The following RGS6 variants were observed in gnomAD, a reference collection of about 807,000 sequenced individuals.
RGS6 encodes regulator of G protein signaling 6.
In RGS6, 30 loss-of-function variants were observed where a neutral mutation model predicts 78.5. The ratio of observed to expected loss-of-function variants is 0.38; its 90% CI spans 0.29 to 0.52. The LOEUF (loss-of-function observed/expected upper bound fraction) is 0.52. Ranked by LOEUF, RGS6 falls within the 20% of genes least tolerant of loss-of-function variation. RGS6 has a pLI of 0.85. For synonymous variants in RGS6, 206 were observed against 206.0 expected, an observed-to-expected ratio of 1.00 and a Z score of 0.00; for missense variants, 495 against 609.7, an observed-to-expected ratio of 0.81 and a Z score of 1.98.
At chr14:71,888,544 G>A in the RGS6 span, among the ~76,000 whole-genome samples, 2 of 152,116 alleles carry the variant, frequency 1.3e-5, no homozygotes, top group Non-Finnish European at 2.9e-5. Flanking sequence ...CTTTCAGGTT[G>A]TGTCAGCTGG....
chr14:72,524,257 T>G (rs1164118616), intron 15 of RGS6, among the ~76,000 whole-genome samples: 2 of 152,192 alleles, frequency 1.3e-5, no homozygotes, highest in Admixed American at 1.3e-4. Context: ...CCTAAGGAAT[T>G]TGAGCTTCTC....
At chr14:72,382,916 C>T (rs544591500) in intron 3 of RGS6, among the ~76,000 whole-genome samples, 1 of 152,000 alleles carries the variant, frequency 6.6e-6, no homozygotes, top group Non-Finnish European at 1.5e-5. Flanking sequence ...GGTAAAAATA[C>T]ATACTTGAAA....
chr14:72,491,345 GA>G (rs5809576), intron 12 of RGS6, among the ~76,000 whole-genome samples: 91,888 of 151,384 alleles, frequency 0.61, 28,233 homozygotes, highest in East Asian at 0.86. Context: ...TATTAAAAAA[GA>G]AAAAAATCTG....
In RGS6 at chr14:72,485,700, G is replaced by A. The variant is rs79037222; in HGVS notation, c.854+7371G>A. Among the ~76,000 whole-genome samples, 567 of 152,286 alleles carry A rather than the reference G, an allele frequency of 3.7e-3. 3 individuals carry two copies. The highest frequency in any genetic ancestry group is 0.012 in the African/African-American group (509 of 41,558). ...ACCTGGTTCTGCAAAATAGAAGCAT[G>A]CCTTGGCTCCCAGAATACAAGAAGG... On this transcript the variant is annotated intron_variant, in intron 12 of 17. Transcript: ENST00000553525.
chr14:71,883,732 T>C, the RGS6 span, among the ~76,000 whole-genome samples: 1 of 152,190 alleles, frequency 6.6e-6, no homozygotes, highest in African/African-American at 2.4e-5. Flanking sequence ...TGACCTCTAG[T>C]CGTCCTCACT....
intron 3 of RGS6, among the ~76,000 whole-genome samples, chr14:72,411,085 G>C (rs2093375167): frequency 6.6e-6 from 1 of 152,076 alleles, no homozygotes; most frequent in Non-Finnish European, 1.5e-5. Flanking sequence ...CTTTAAAGTA[G>C]TTTTTTTCCA....
At chr14:72,322,897 C>T (rs2152523411) in intron 2 of RGS6, among the ~76,000 whole-genome samples, 1 of 152,126 alleles carries the variant, frequency 6.6e-6, no homozygotes, top group South Asian at 2.1e-4. Context: ...GAGACATACA[C>T]ACATACATAT....
chr14:71,991,981 C>T (rs2094972324), intron 2 of RGS6, among the ~76,000 whole-genome samples: 1 of 151,380 alleles, frequency 6.6e-6, no homozygotes, highest in African/African-American at 2.4e-5. Context: ...AGATTTGGCC[C>T]ATGGGTGGGG....
chr14:71,980,910 A>G (rs902351198), intron 2 of RGS6, among the ~76,000 whole-genome samples: 1 of 94,006 alleles, frequency 1.1e-5, no homozygotes, highest in Admixed American at 1.2e-4. Context: ...AATCAGACGT[A>G]GATTTGGTCT....
chr14:72,313,561 C>T (rs2069199847), intron 2 of RGS6, among the ~76,000 whole-genome samples: 1 of 152,200 alleles, frequency 6.6e-6, no homozygotes, highest in Non-Finnish European at 1.5e-5. Context: ...GTTCCTTCTG[C>T]TGGTTAAATT....
At chr14:72,166,124 AC>A (rs1178062929) in intron 2 of RGS6, among the ~76,000 whole-genome samples, 106 of 151,742 alleles carry the variant, frequency 7.0e-4, no homozygotes, top group South Asian at 1.3e-3. Flanking sequence ...ACACACACAC[AC>A]ACACACACAC....
chr14:71,879,262 G>T, the RGS6 span, among the ~76,000 whole-genome samples: 1 of 152,160 alleles, frequency 6.6e-6, no homozygotes, highest in Admixed American at 6.5e-5. Context: ...GAAATTTGCT[G>T]TATTTAGAAA....
At chr14:72,023,600 G>A (rs1222311605) in intron 2 of RGS6, among the ~76,000 whole-genome samples, 2 of 152,232 alleles carry the variant, frequency 1.3e-5, no homozygotes, top group African/African-American at 2.4e-5. Flanking sequence ...CAGAAAGAAG[G>A]CGGGGGAAGG....
chr14:72,503,121 G>C (rs1235876272), intron 13 of RGS6, among the ~76,000 whole-genome samples: 1 of 152,078 alleles, frequency 6.6e-6, no homozygotes, highest in Admixed American at 6.5e-5. Context: ...ATAAATGTCT[G>C]GGTCCTCACA....
intron 2 of RGS6, among the ~76,000 whole-genome samples, chr14:72,089,605 A>G (rs1475200827): frequency 1.3e-5 from 2 of 152,132 alleles, no homozygotes; most frequent in African/African-American, 4.8e-5. Flanking sequence ...CCTGGTCCTC[A>G]TTTCCTGGTC....
chr14:72,396,216 A>G (rs200871655), intron 3 of RGS6, among the ~76,000 whole-genome samples: 2 of 152,098 alleles, frequency 1.3e-5, no homozygotes, highest in East Asian at 3.9e-4. Flanking sequence ...CTTTTTAATG[A>G]TTTTCATTCT....
chr14:72,226,696 T>G (rs936589235), intron 2 of RGS6, among the ~76,000 whole-genome samples: 2 of 152,188 alleles, frequency 1.3e-5, no homozygotes, highest in African/African-American at 4.8e-5. Flanking sequence ...CTTATACACT[T>G]TATTGATTGA....
intron 17 of RGS6, among the ~76,000 whole-genome samples, chr14:72,549,206 T>C (rs1200790660): frequency 6.6e-6 from 1 of 151,968 alleles, no homozygotes; most frequent in East Asian, 1.9e-4. Context: ...GTGGAATTAC[T>C]GCCCTTCACA....
chr14:72,127,359 T>A (rs1397480171), intron 2 of RGS6, among the ~76,000 whole-genome samples: 1 of 152,226 alleles, frequency 6.6e-6, no homozygotes, highest in East Asian at 1.9e-4. Flanking sequence ...TAAATCTTTG[T>A]CTCCAGTTTT....
Sources: allele counts gnomAD v4.1 joint callset (sites outside exome capture counted in the v4.1 genomes callset), GRCh38; gene constraint gnomAD v4.1.1; transcripts MANE v1.5; gene names NCBI Gene and HGNC (gene_info 2026-07-23, HGNC 2026-07-21).